SLC35F4: variants seen among roughly 807,000 people sequenced by gnomAD.
SLC35F4 encodes the protein chromosome 14 open reading frame 36.
Under a neutral mutation model 44.2 loss-of-function variants are expected in SLC35F4, and 24 were observed. The ratio of observed to expected loss-of-function variants is 0.54; its 90% CI spans 0.39 to 0.76. The LOEUF is 0.76. Among genes scored for constraint, SLC35F4 ranks in the 30% least tolerant of loss-of-function variants. The pLI, the probability that SLC35F4 is intolerant of heterozygous loss-of-function variation, is 0.00. For synonymous variants in SLC35F4, 238 were observed against 223.6 expected (o/e 1.06, Z -0.57); for missense variants, 562 against 586.1 (o/e 0.96, Z 0.42).
At chr14:57,975,834 G>A (rs2141097784), downstream of SLC35F4, among the ~76,000 whole-genome samples, 1 of 152,282 alleles carries the variant, frequency 6.6e-6, no homozygotes, top group Admixed American at 6.5e-5. Context: ...AGAACTAAAA[G>A]GATTCTGGAA....
In SLC35F4 at chr14:57,571,975, T is replaced by A; in HGVS notation, c.852A>T (p.Ala284=). 1 of 1,612,176 alleles carries A rather than the reference T, an allele frequency of 6.2e-7. No individual in the cohort carries two copies. The highest frequency in any genetic ancestry group is 8.5e-7 in the Non-Finnish European group (1 of 1,179,056). Residue 284 remains alanine (A), a synonymous_variant, in exon 5 of 8, where the codon GCA becomes GCT. Transcript: ENST00000556826. ...AATCAGCGTGGAAATTATCTGCATA[T>A]GCCATCATGACAATGCCGGTAATTG... ...IMAITGIVMM[A]YADNFHADSI... is the part of the protein sequence containing the mutation.
intron 1 of SLC35F4, among the ~76,000 whole-genome samples, chr14:57,672,082 T>G (rs922507602): frequency 1.3e-5 from 2 of 152,120 alleles, no homozygotes; most frequent in African/African-American, 4.8e-5. Flanking sequence ...ATGTGGAGTT[T>G]GGCTGCATTT....
chr14:57,569,360 C>T (rs943001486), intron 6 of SLC35F4, among the ~76,000 whole-genome samples: 22 of 152,214 alleles, frequency 1.4e-4, no homozygotes, highest in African/African-American at 4.6e-4. Context: ...CCCTCCCTCC[C>T]TTCCTTCCTT....
intron 1 of SLC35F4, among the ~76,000 whole-genome samples, chr14:57,915,983 G>T (rs1183300404): frequency 6.6e-6 from 1 of 152,078 alleles, no homozygotes; most frequent in African/African-American, 2.4e-5. Flanking sequence ...CAACAACCCT[G>T]CTTCTTGTTA....
chr14:57,691,714 T>G (rs1382348008), intron 1 of SLC35F4, among the ~76,000 whole-genome samples: 1 of 152,228 alleles, frequency 6.6e-6, no homozygotes, highest in East Asian at 1.9e-4. Flanking sequence ...GATATTCAGC[T>G]GGGCTCTATT....
At chr14:57,601,193 GCTT>G (rs1480888457) in intron 1 of SLC35F4, among the ~76,000 whole-genome samples, 1 of 151,316 alleles carries the variant, frequency 6.6e-6, no homozygotes, top group African/African-American at 2.4e-5. Flanking sequence ...TTCAAGACTT[GCTT>G]ATTATCTTAT....
intron 1 of SLC35F4, among the ~76,000 whole-genome samples, chr14:57,875,442 C>G (rs1307396201): frequency 6.6e-6 from 1 of 152,206 alleles, no homozygotes; most frequent in Non-Finnish European, 1.5e-5. Flanking sequence ...CCATTTATTA[C>G]TTCTCATGAA....
At chr14:57,611,097 G>C (rs1336701176) in intron 1 of SLC35F4, among the ~76,000 whole-genome samples, 5 of 152,318 alleles carry the variant, frequency 3.3e-5, no homozygotes, top group South Asian at 2.1e-4. Context: ...ATAAACAGAG[G>C]AAAGGGAGAT....
At chr14:57,827,337 A>C (rs10131735) in intron 1 of SLC35F4, among the ~76,000 whole-genome samples, 32,817 of 151,922 alleles carry the variant, frequency 0.22, 5,429 homozygotes, top group African/African-American at 0.47. Context: ...AACACACACT[A>C]GGACCTTTCA....
chr14:57,832,564 C>A (rs1181633984), intron 1 of SLC35F4, among the ~76,000 whole-genome samples: 2 of 152,118 alleles, frequency 1.3e-5, no homozygotes, highest in Non-Finnish European at 2.9e-5. Flanking sequence ...TATGACAGGA[C>A]TATTTTACTA....
upstream of SLC35F4, among the ~76,000 whole-genome samples, chr14:57,867,875 T>G (rs1336084671): frequency 3.3e-5 from 5 of 152,142 alleles, no homozygotes; most frequent in African/African-American, 9.7e-5. Context: ...AACCTTCTGA[T>G]GTAACAGGAA....
chr14:57,873,042 G>A (rs764503249), intron 1 of SLC35F4, among the ~76,000 whole-genome samples: 1 of 152,198 alleles, frequency 6.6e-6, no homozygotes, highest in Non-Finnish European at 1.5e-5. Flanking sequence ...ATCAGCAGCT[G>A]TAACAGTAGT....
At chr14:57,970,588 A>G (rs774372411) in intron 1 of SLC35F4, among the ~76,000 whole-genome samples, 5 of 152,224 alleles carry the variant, frequency 3.3e-5, no homozygotes, top group African/African-American at 4.8e-5. Flanking sequence ...AACAAGAAAT[A>G]TATCTCCCAG....
intron 1 of SLC35F4, among the ~76,000 whole-genome samples, chr14:57,809,077 C>A (rs543261995): frequency 1.4e-4 from 21 of 152,248 alleles, no homozygotes; most frequent in African/African-American, 5.1e-4. Flanking sequence ...TGCACCCCCA[C>A]ACGTTTTTCC....
At chr14:57,865,273 C>A (rs2141020412) in intron 1 of SLC35F4, among the ~76,000 whole-genome samples, 1 of 152,148 alleles carries the variant, frequency 6.6e-6, no homozygotes, top group Middle Eastern at 3.4e-3. Context: ...CGGCCGCCCC[C>A]GCCAGCCCCA....
chr14:57,788,319 G>A (rs1012158956), intron 1 of SLC35F4, among the ~76,000 whole-genome samples: 1 of 151,900 alleles, frequency 6.6e-6, no homozygotes, highest in Admixed American at 6.6e-5. Context: ...AGTAATAGTG[G>A]GGGACATCAA....
chr14:57,747,193 G>T (rs1195447566), intron 1 of SLC35F4, among the ~76,000 whole-genome samples: 1 of 152,162 alleles, frequency 6.6e-6, no homozygotes, highest in South Asian at 2.1e-4. Context: ...TGGCTGTTAT[G>T]ATACACGCAA....
At chr14:57,642,485 T>C (rs181670339) in intron 1 of SLC35F4, among the ~76,000 whole-genome samples, 75 of 152,100 alleles carry the variant, frequency 4.9e-4, no homozygotes, top group African/African-American at 1.8e-3. Context: ...TTTACTTTTA[T>C]TTTTGTGATG....
intron 1 of SLC35F4, among the ~76,000 whole-genome samples, chr14:57,745,164 T>C (rs1323399387): frequency 7.2e-5 from 11 of 152,322 alleles, no homozygotes; most frequent in East Asian, 1.9e-4. Context: ...ATTCAGGACA[T>C]AGGCATGGGC....
Sources: allele counts gnomAD v4.1 joint callset (sites outside exome capture counted in the v4.1 genomes callset), GRCh38; gene constraint gnomAD v4.1.1; transcripts MANE v1.5; gene names NCBI Gene and HGNC (gene_info 2026-07-23, HGNC 2026-07-21).